The following RPAP1 variants were observed in gnomAD, a reference collection of about 807,000 sequenced individuals.
RPAP1 encodes the protein RNA polymerase II-associated protein 1.
In RPAP1, 109 loss-of-function variants were observed where a neutral mutation model predicts 142.4. That is an observed-to-expected ratio of 0.77 (90% CI 0.66 to 0.90). RPAP1 has a LOEUF of 0.90. Among genes scored for constraint, RPAP1 ranks in the 40% least tolerant of loss-of-function variants. The pLI is 0.00. For missense variants in RPAP1, 1,546 were observed against 1,751.7 expected (o/e 0.88, Z 2.10); for synonymous variants, 704 against 738.9 (o/e 0.95, Z 0.77).
chr15:41,539,209 A>G (rs898558974), intron 1 of RPAP1, among the ~76,000 whole-genome samples: 1 of 152,172 alleles, frequency 6.6e-6, no homozygotes, highest in African/African-American at 2.4e-5. Context: ...CCTGGGCTTA[A>G]GCCGTCCTCC....
intron 22 of RPAP1, 55 bp downstream of exon 22, chr15:41,520,336 C>T: frequency 6.3e-7 from 1 of 1,592,768 alleles, no homozygotes; most frequent in Middle Eastern, 1.7e-4. Context: ...CTCAGGACTG[C>T]CCCCGAGGCC....
rs747760080 is a variant in RPAP1 at position 41,522,838 on chromosome 15, G to C, written c.2669C>G (p.Pro890Arg). The C allele has an allele frequency of 6.3e-7, 1 of 1,587,542 alleles. No individual in the cohort carries two copies. The highest frequency in any genetic ancestry group is 1.9e-5 in the Admixed American group (1 of 52,432). ...GAGGAGGGCAGTGAGGAATGGGAAG[G>C]GTGAGGCTGAGCCAGCCAGACTGAG... is the stretch of plus-strand genomic sequence containing the variant. ...PRLSLAGSAS[P>R]FPFLTALLSL... The change falls in exon 19 of 25, where the codon CCC becomes CGC. Residue 890 changes from proline to arginine, a missense_variant. Coordinates refer to ENST00000304330, the MANE Select transcript of RPAP1 (RefSeq NM_015540.4).
chr15:41,543,975 C>A (rs1161297210), intron 1 of RPAP1: 1 of 152,234 alleles, frequency 6.6e-6, no homozygotes, highest in African/African-American at 2.4e-5. Context: ...CTGCCCTTAC[C>A]GCTCAGGTCA....
chr15:41,541,145 G>A (rs9302110), intron 1 of RPAP1, among the ~76,000 whole-genome samples: 90,132 of 152,006 alleles, frequency 0.59, 26,918 homozygotes, highest in South Asian at 0.64. Context: ...GAATAGGGCC[G>A]GGCGCAGTGG....
intron 9 of RPAP1, among the ~76,000 whole-genome samples, chr15:41,528,562 G>A (rs1255093125): frequency 6.6e-6 from 1 of 152,176 alleles, no homozygotes. Flanking sequence ...GCGGACAGGA[G>A]AGAGAGAGAA....
chr15:41,520,544 G>C lies in RPAP1; in HGVS notation c.3642C>G (p.Phe1214Leu). Reference sequence around the variant, plus strand: ...AAGAGACAGCCTCAAAATGATCCAGGAAGTTGGCATAGAGGTCAGGGAAAG... The same window carrying C: ...AAGAGACAGCCTCAAAATGATCCAGCAAGTTGGCATAGAGGTCAGGGAAAG... ...LTSFPDLYAN[F>L]LDHFEAVSFG... Residue 1214 changes from phenylalanine (F) to leucine (L), a missense_variant, in exon 22 of 25, where the codon TTC (phenylalanine) becomes TTG (leucine). This residue lies in a region of RPAP1 where 210 missense variants were observed against 248.0 expected (regional missense o/e 0.85). Coordinates refer to ENST00000304330, the MANE Select transcript of RPAP1 (RefSeq NM_015540.4). 1 of 1,614,212 alleles carries C rather than the reference G, an allele frequency of 6.2e-7. No individual in the cohort carries two copies. The highest frequency in any genetic ancestry group is 8.5e-7 in the Non-Finnish European group (1 of 1,180,032).
chr15:41,525,847 G>C (rs1366981831), intron 14 of RPAP1, among the ~76,000 whole-genome samples: 1 of 151,738 alleles, frequency 6.6e-6, no homozygotes, highest in Non-Finnish European at 1.5e-5. Flanking sequence ...GTAGAGACAG[G>C]GTTTCACCAT....
intron 14 of RPAP1, among the ~76,000 whole-genome samples, chr15:41,525,524 A>G (rs900034916): frequency 6.6e-6 from 1 of 151,904 alleles, no homozygotes; most frequent in African/African-American, 2.4e-5. Context: ...TTTTTAGTAG[A>G]GACGGGGTTT....
At chr15:41,521,241 C>G in intron 21 of RPAP1, 94 bp from the exon 22 acceptor site, 1 of 1,266,742 alleles carries the variant, frequency 7.9e-7, no homozygotes, top group Non-Finnish European at 1.1e-6. Flanking sequence ...GCTCCTAGGT[C>G]CAGACCTGTG....
At position 41,529,965 on chromosome 15, in the gene RPAP1, C is replaced by T. The variant is rs61753586; in HGVS notation, c.958G>A (p.Val320Met). ...EPEAPALALPVTPQKEWLHMD... is the reference protein window; with the variant it reads ...EPEAPALALPMTPQKEWLHMD... ...TGCAGCCATTCTTTCTGAGGGGTCA[C>T]GGGCAATGCCAGAGCTGGGGAGACA... Residue 320 changes from valine (V) to methionine (M), a missense_variant, in exon 8 of 25, where the codon GTG becomes ATG. Transcript: ENST00000304330. 92,021 of 1,613,528 alleles carry T rather than the reference C, an allele frequency of 0.057. 2,849 individuals are homozygous for T. The highest frequency in any genetic ancestry group is 0.073 in the Admixed American group (4,379 of 59,994).
chr15:41,535,211 C>T (rs1200516225), intron 5 of RPAP1, among the ~76,000 whole-genome samples: 2 of 152,174 alleles, frequency 1.3e-5, no homozygotes, highest in Non-Finnish European at 2.9e-5. Flanking sequence ...GGGCCTGCTC[C>T]CAGCTGTTAA....
intron 6 of RPAP1, among the ~76,000 whole-genome samples, chr15:41,532,022 A>ATTT (rs1279380657): frequency 1.6e-5 from 2 of 124,456 alleles, no homozygotes; most frequent in Admixed American, 1.6e-4. Flanking sequence ...TATCTGGCTA[A>ATTT]TTTTTTTTTT....
At chr15:41,524,350 AAGG>A in intron 15 of RPAP1, 96 bp from the exon 16 acceptor site, 1 of 1,113,676 alleles carries the variant, frequency 9.0e-7, no homozygotes, top group Non-Finnish European at 1.2e-6. Context: ...CAGTTTGATA[AAGG>A]AGGATGAGGA....
chr15:41,533,694 C>A (rs978004585), intron 6 of RPAP1, among the ~76,000 whole-genome samples: 3 of 151,182 alleles, frequency 2.0e-5, no homozygotes, highest in African/African-American at 7.3e-5. Flanking sequence ...AAAAATTAGC[C>A]AGGCATGGTG....
In RPAP1 at chr15:41,521,804, A is replaced by G. The variant is rs765844877; in HGVS notation, c.2972T>C (p.Leu991Pro). ...GMALALLSRL[L>P]PGSEYLTHEL... ...ATGGGTGAGGTACTCACTTCCGGGCAGCAGCCGGCTCAGCAGGGCCAAGGC... is the reference window on the plus strand; with the variant it reads ...ATGGGTGAGGTACTCACTTCCGGGCGGCAGCCGGCTCAGCAGGGCCAAGGC... Residue 991 changes from leucine (L) to proline (P), a missense_variant, in exon 21 of 25, where the codon CTG (leucine) becomes CCG (proline). Physicochemically the swap from Leu to Pro is moderately conservative, Grantham distance 98. Coordinates refer to ENST00000304330, the MANE Select transcript of RPAP1 (RefSeq NM_015540.4). 3 of 1,614,212 alleles carry G rather than the reference A, an allele frequency of 1.9e-6. No homozygotes were observed. In the Admixed American group the frequency reaches 5.0e-5, roughly 27 times the overall value.
chr15:41,536,341 C>A, intron 3 of RPAP1, 123 bp from the exon 4 acceptor site: 1 of 1,300,224 alleles, frequency 7.7e-7, no homozygotes, highest in Non-Finnish European at 1.1e-6. Context: ...GACCCTCCTC[C>A]CTTCAGGGCA....
chr15:41,536,778 C>A, intron 2 of RPAP1, 129 bp from the exon 3 acceptor site: 1 of 1,387,542 alleles, frequency 7.2e-7, no homozygotes, highest in Non-Finnish European at 9.8e-7. Context: ...AGATATTTAA[C>A]CTCTTTGAGC....
rs576729664 is a variant in RPAP1, at chr15:41,543,818, G to A, written c.-77+401C>T. 10 of 152,308 alleles carry A rather than the reference G, an allele frequency of 6.6e-5. 1 individual carries two copies. In the East Asian group the frequency reaches 1.9e-3, roughly 29 times the overall value. The allele number at this position is 152,308 out of a possible 1,614,324, so 9.4% of individuals were successfully genotyped here. On this transcript the variant is annotated intron_variant, in intron 1 of 24. Coordinates refer to ENST00000304330, the MANE Select transcript of RPAP1 (RefSeq NM_015540.4). ...GGTGGCTCACGCCTGTAATCCTAAA[G>A]AGTAATGCCTAAAGAGTAACTCGTA...
intron 6 of RPAP1, among the ~76,000 whole-genome samples, chr15:41,533,030 T>TATATGAGACCA (rs375113967): frequency 6.7e-6 from 1 of 148,234 alleles, no homozygotes; most frequent in Non-Finnish European, 1.5e-5. Flanking sequence ...CAGGTAGATC[T>TATATGAGACCA]GGGTTTAAAT....
Sources: gnomAD v4.1 joint callset for allele counts (sites outside exome capture counted in the v4.1 genomes callset) on GRCh38, gnomAD v4.1.1 for gene constraint, gnomAD v4.1.1 regional missense constraint, MANE v1.5 for transcripts, NCBI Gene and HGNC (gene_info 2026-07-23, HGNC 2026-07-21) for gene names.